The following CNTN3 variants were observed in gnomAD, a reference collection of about 807,000 sequenced individuals.
The protein encoded by CNTN3 is contactin 3, also known as contactin-3.
In CNTN3, 60 loss-of-function variants were observed where a neutral mutation model predicts 119.1. The observed-to-expected ratio is 0.50, with a 90% confidence interval of 0.41 to 0.62. The LOEUF (loss-of-function observed/expected upper bound fraction) is 0.62. CNTN3 is among the 20% of genes least tolerant of loss of function. The probability of loss-of-function intolerance (pLI) is 0.00; values close to 1 mark genes in which losing one functional copy is unlikely to be tolerated. For synonymous variants in CNTN3, 450 were observed against 438.7 expected (o/e 1.03, Z -0.32); for missense variants, 1,101 against 1,242.4 (o/e 0.89, Z 1.71).
intron 2 of CNTN3, among the ~76,000 whole-genome samples, chr3:74,519,719 T>C (rs566149995): frequency 2.0e-5 from 3 of 151,834 alleles, no homozygotes; most frequent in African/African-American, 7.2e-5. Context: ...TTTTACCATA[T>C]TGAACTTTTT....
intron 1 of CNTN3, among the ~76,000 whole-genome samples, chr3:74,569,137 T>C (rs733144): frequency 0.13 from 19,429 of 152,222 alleles, 1,412 homozygotes; most frequent in East Asian, 0.33. Context: ...AGCATCTGTA[T>C]GCCTAGCTCC....
At chr3:74,452,702 T>G (rs1431554356) in intron 4 of CNTN3, among the ~76,000 whole-genome samples, 1 of 137,148 alleles carries the variant, frequency 7.3e-6, no homozygotes, top group Non-Finnish European at 1.6e-5. Flanking sequence ...CAATACCTAA[T>G]TTATTGAGAG....
At chr3:74,508,137 T>C (rs920957022) in intron 2 of CNTN3, among the ~76,000 whole-genome samples, 1 of 152,140 alleles carries the variant, frequency 6.6e-6, no homozygotes, top group African/African-American at 2.4e-5. Flanking sequence ...AACTGAATTA[T>C]GCGGACAGTT....
At chr3:74,267,542 A>T (rs896160205) in intron 20 of CNTN3, 164 bp from the exon 21 acceptor site, 2 of 518,560 alleles carry the variant, frequency 3.9e-6, no homozygotes, top group Non-Finnish European at 6.9e-6. Context: ...AGAGTATATA[A>T]ATTTCCTTTT....
chr3:74,601,247 GAAGA>G (rs1704905682), intron 1 of CNTN3, among the ~76,000 whole-genome samples: 1 of 151,938 alleles, frequency 6.6e-6, no homozygotes. Flanking sequence ...CTTTACAGGT[GAAGA>G]AACTGAGACT....
At chr3:74,586,853 G>T (rs1385463941) in intron 1 of CNTN3, among the ~76,000 whole-genome samples, 1 of 152,012 alleles carries the variant, frequency 6.6e-6, no homozygotes, top group African/African-American at 2.4e-5. Flanking sequence ...CAGACAAAAA[G>T]ATATTAAATG....
intron 10 of CNTN3, 78 bp downstream of exon 10, chr3:74,364,389 G>A: frequency 7.1e-7 from 1 of 1,403,940 alleles, no homozygotes; most frequent in Non-Finnish European, 9.8e-7. Flanking sequence ...AATGTGAAAA[G>A]TAAATATTAC....
chr3:74,354,984 C>A (rs972836668), intron 11 of CNTN3, among the ~76,000 whole-genome samples: 4 of 152,094 alleles, frequency 2.6e-5, no homozygotes. Context: ...GCTCAGCTAC[C>A]ATCTCCAAGC....
At chr3:74,372,549 A>G (rs1039983312) in intron 5 of CNTN3, among the ~76,000 whole-genome samples, 7 of 151,974 alleles carry the variant, frequency 4.6e-5, no homozygotes, top group Non-Finnish European at 1.5e-5. Flanking sequence ...CATTAACTCT[A>G]CTGTATTGAT....
intron 13 of CNTN3, among the ~76,000 whole-genome samples, chr3:74,315,403 T>G (rs573126781): frequency 3.9e-5 from 6 of 152,306 alleles, no homozygotes; most frequent in African/African-American, 1.4e-4. Flanking sequence ...GGACTCACCC[T>G]AAATTCTTTT....
chr3:74,520,166 G>T (rs1350050561), intron 2 of CNTN3, among the ~76,000 whole-genome samples: 2 of 148,808 alleles, frequency 1.3e-5, no homozygotes, highest in Admixed American at 6.6e-5. Flanking sequence ...AAGGAGATGA[G>T]TATTAAATTT....
At chr3:74,509,282 T>G (rs1703320389) in intron 2 of CNTN3, among the ~76,000 whole-genome samples, 1 of 151,308 alleles carries the variant, frequency 6.6e-6, no homozygotes, top group Non-Finnish European at 1.5e-5. Flanking sequence ...TATTAAGCAC[T>G]CTGAATAAAA....
intron 4 of CNTN3, among the ~76,000 whole-genome samples, chr3:74,437,814 T>A (rs905018456): frequency 3.9e-5 from 6 of 152,120 alleles, no homozygotes; most frequent in African/African-American, 1.4e-4. Context: ...AATGAAGACC[T>A]CCAGGTGGTA....
At chr3:74,364,707 A>T (rs1161911724) in intron 9 of CNTN3, 111 bp from the exon 10 acceptor site, 6 of 843,436 alleles carry the variant, frequency 7.1e-6, no homozygotes, top group South Asian at 3.7e-5. Context: ...TTCTGAGAGT[A>T]TTAGACAGGA....
At chr3:74,571,790 G>A (rs984484201) in intron 1 of CNTN3, among the ~76,000 whole-genome samples, 4 of 152,072 alleles carry the variant, frequency 2.6e-5, no homozygotes, top group African/African-American at 4.8e-5. Flanking sequence ...ACTTGGGATC[G>A]CTCACTAATA....
chr3:74,509,688 C>T (rs1468749129), intron 2 of CNTN3, among the ~76,000 whole-genome samples: 1 of 152,036 alleles, frequency 6.6e-6, no homozygotes, highest in Non-Finnish European at 1.5e-5. Flanking sequence ...CGGAATCTCT[C>T]TATACTTTTT....
intron 13 of CNTN3, among the ~76,000 whole-genome samples, chr3:74,309,652 G>C (rs557736245): frequency 5.3e-5 from 8 of 152,222 alleles, no homozygotes; most frequent in African/African-American, 1.7e-4. Flanking sequence ...TGAGCAGTTA[G>C]GGTAAAAAAA....
chr3:74,281,635 C>T (rs1702014248), intron 20 of CNTN3, among the ~76,000 whole-genome samples: 1 of 152,076 alleles, frequency 6.6e-6, no homozygotes, highest in African/African-American at 2.4e-5. Flanking sequence ...GGCGTGAGTC[C>T]TCGTGCCTGG....
chr3:74,505,713 T>C (rs1253171198), intron 2 of CNTN3, among the ~76,000 whole-genome samples: 1 of 152,018 alleles, frequency 6.6e-6, no homozygotes, highest in Admixed American at 6.6e-5. Flanking sequence ...AAAGGTAATA[T>C]AATACACTTC....
Sources: gnomAD v4.1 joint callset for allele counts (sites outside exome capture counted in the v4.1 genomes callset) on GRCh38, gnomAD v4.1.1 for gene constraint, MANE v1.5 for transcripts, NCBI Gene and HGNC (gene_info 2026-07-23, HGNC 2026-07-21) for gene names.